Variants in FBXL13 observed in about 807,000 individuals in gnomAD.
The protein encoded by FBXL13 is F-box and leucine-rich repeat protein 13.
FBXL13 carries 67 observed loss-of-function variants against 83.6 expected under a neutral mutation model. The observed-to-expected ratio is 0.80, with a 90% confidence interval of 0.66 to 0.98. The LOEUF (loss-of-function observed/expected upper bound fraction) is 0.98. Among genes scored for constraint, FBXL13 ranks in the 50% least tolerant of loss-of-function variants. FBXL13 has a pLI of 0.00. For synonymous variants in FBXL13, 272 were observed against 299.5 expected (o/e 0.91, Z 0.95); for missense variants, 822 against 866.5 (o/e 0.95, Z 0.64).
At chr7:103,056,224 G>A (rs777464657) in intron 1 of FBXL13, among the ~76,000 whole-genome samples, 3 of 152,030 alleles carry the variant, frequency 2.0e-5, no homozygotes, top group African/African-American at 7.2e-5. Context: ...ATATATATAT[G>A]ATGTGATATA....
At chr7:103,056,316 TG>T (rs1797328779) in intron 1 of FBXL13, among the ~76,000 whole-genome samples, 1 of 152,202 alleles carries the variant, frequency 6.6e-6, no homozygotes, top group Non-Finnish European at 1.5e-5. Flanking sequence ...TGAATTGTGC[TG>T]TTATAGATGT....
chr7:103,028,304 C>T (rs759988150), intron 4 of FBXL13, among the ~76,000 whole-genome samples: 1 of 152,114 alleles, frequency 6.6e-6, no homozygotes, highest in Non-Finnish European at 1.5e-5. Flanking sequence ...CTATTTGGAA[C>T]CCATCCAGCT....
chr7:102,929,181 C>T (rs1338650745), intron 9 of FBXL13, among the ~76,000 whole-genome samples: 1 of 152,122 alleles, frequency 6.6e-6, no homozygotes, highest in East Asian at 1.9e-4. Context: ...TGTATAATGC[C>T]TTCCATGTTT....
At chr7:102,871,573 T>G (rs1221589421) in intron 16 of FBXL13, among the ~76,000 whole-genome samples, 1 of 151,698 alleles carries the variant, frequency 6.6e-6, no homozygotes, top group Admixed American at 6.6e-5. Flanking sequence ...TCTGTATTTT[T>G]GTAGAGATGG....
At chr7:102,932,194 C>G (rs1288958651) in intron 8 of FBXL13, among the ~76,000 whole-genome samples, 1 of 152,130 alleles carries the variant, frequency 6.6e-6, no homozygotes, top group East Asian at 1.9e-4. Flanking sequence ...GGGAAAAACA[C>G]TATATACTTA....
At chr7:103,037,298 CAACT>C (rs768907731) in intron 2 of FBXL13, among the ~76,000 whole-genome samples, 2 of 152,140 alleles carry the variant, frequency 1.3e-5, no homozygotes, top group Non-Finnish European at 2.9e-5. Context: ...GATTATCAAC[CAACT>C]GATTCTTATT....
In FBXL13 at chr7:103,016,788, G is replaced by A. The variant is rs1031244106; in HGVS notation, c.495+8275C>T. On this transcript the variant is annotated intron_variant, in intron 6 of 19. Coordinates refer to ENST00000313221, the Ensembl canonical transcript of FBXL13. ...CAGTGAGACTGGGGGAGGGGCGCCC[G>A]CCATTGCTGAGGCTTGAGTAGGTAA... Among the ~76,000 whole-genome samples the A allele has an allele frequency of 6.6e-5, 10 of 152,200 alleles. No individual in the cohort carries two copies. The South Asian group carries it at 1.0e-3, about 16-fold the overall frequency.
At position 102,975,695 on chromosome 7, in the gene FBXL13, G is replaced by C. The variant is rs181387187; in HGVS notation, c.496-7578C>G. The stretch of plus-strand genomic sequence containing the variant: ...AACCTAGACCTAGCCAGTCCAGAAG[G>C]AACCGATATTTTAAACCTTCAGTTC... On this transcript the variant is annotated intron_variant, in intron 6 of 19. Coordinates refer to ENST00000313221, the Ensembl canonical transcript of FBXL13. Among the ~76,000 whole-genome samples the C allele has an allele frequency of 1.2e-3, 176 of 152,264 alleles. 1 individual carries two copies. Among genetic ancestry groups the C allele is most frequent in the Non-Finnish European group, 2.0e-3 (133 of 68,030 alleles).
At chr7:102,983,450 C>T (rs1235144501) in intron 6 of FBXL13, among the ~76,000 whole-genome samples, 5 of 135,876 alleles carry the variant, frequency 3.7e-5, no homozygotes, top group East Asian at 4.1e-4. Context: ...AGTGGGGTCT[C>T]GTTCTGTCAC....
chr7:103,004,683 A>G (rs1790790447), intron 6 of FBXL13, among the ~76,000 whole-genome samples: 1 of 152,144 alleles, frequency 6.6e-6, no homozygotes, highest in South Asian at 2.1e-4. Context: ...TTGCAGAGGA[A>G]TTTTCTGCAT....
intron 6 of FBXL13, among the ~76,000 whole-genome samples, chr7:103,014,113 A>G (rs1385121192): frequency 6.6e-6 from 1 of 152,208 alleles, no homozygotes; most frequent in Non-Finnish European, 1.5e-5. Flanking sequence ...GTACAGACTA[A>G]TATTGAGTTC....
chr7:102,914,950 T>C (rs1347603916), intron 10 of FBXL13, among the ~76,000 whole-genome samples: 3 of 152,074 alleles, frequency 2.0e-5, no homozygotes, highest in Non-Finnish European at 2.9e-5. Context: ...AGCAATCCTT[T>C]AGCTTTATAA....
chr7:102,830,204 A>AAACAAAT (rs1335826852), intron 18 of FBXL13, among the ~76,000 whole-genome samples: 1 of 152,192 alleles, frequency 6.6e-6, no homozygotes, highest in African/African-American at 2.4e-5. Context: ...AAAAAACAAA[A>AAACAAAT]AACCAAAGCA....
At chr7:102,816,537 C>T (rs1225997888) in intron 19 of FBXL13, among the ~76,000 whole-genome samples, 3 of 152,112 alleles carry the variant, frequency 2.0e-5, no homozygotes, top group African/African-American at 4.8e-5. Flanking sequence ...GAGAAGAGAT[C>T]GGCAAGTGGC....
chr7:102,875,032 A>G (rs1475695987), intron 16 of FBXL13, among the ~76,000 whole-genome samples: 1 of 152,172 alleles, frequency 6.6e-6, no homozygotes, highest in East Asian at 1.9e-4. Context: ...CCTTGTGGTA[A>G]GTGCTGTGGG....
At chr7:102,981,203 A>G (rs185773222) in intron 6 of FBXL13, among the ~76,000 whole-genome samples, 1 of 152,328 alleles carries the variant, frequency 6.6e-6, no homozygotes, top group East Asian at 1.9e-4. Context: ...ACAGAAAAGT[A>G]GTAGAAATAT....
chr7:102,964,179 C>G (rs746743453), intron 7 of FBXL13, among the ~76,000 whole-genome samples: 2 of 151,658 alleles, frequency 1.3e-5, no homozygotes, highest in African/African-American at 4.8e-5. Flanking sequence ...GGCGTGGTGA[C>G]ACACGCCTGT....
At chr7:102,938,528 G>A (rs1296702015) in intron 8 of FBXL13, among the ~76,000 whole-genome samples, 2 of 152,172 alleles carry the variant, frequency 1.3e-5, no homozygotes, top group Non-Finnish European at 2.9e-5. Context: ...GAGCAAGCTT[G>A]TAAGGGGTAA....
chr7:102,956,321 C>T (rs1237305524), intron 8 of FBXL13, among the ~76,000 whole-genome samples: 1 of 152,064 alleles, frequency 6.6e-6, no homozygotes, highest in Admixed American at 6.6e-5. Context: ...AGGCCTTCGA[C>T]AAAATTCAAC....
Sources: gnomAD v4.1 joint callset for allele counts (sites outside exome capture counted in the v4.1 genomes callset) on GRCh38, gnomAD v4.1.1 for gene constraint, MANE v1.5 for transcripts, NCBI Gene and HGNC (gene_info 2026-07-23, HGNC 2026-07-21) for gene names.